MTMR3: variants seen among roughly 807,000 people sequenced by gnomAD.
The protein encoded by MTMR3 is phosphatidylinositol-3,5-bisphosphate 3-phosphatase MTMR3.
In MTMR3, 32 loss-of-function variants were observed where a neutral mutation model predicts 132.4. The observed-to-expected ratio is 0.24, with a 90% CI of 0.18 to 0.32. The LOEUF is 0.32. Ranked by LOEUF, MTMR3 falls within the 10% of genes least tolerant of loss-of-function variation. MTMR3 has a pLI of 1.00. For synonymous variants in MTMR3, 556 were observed against 550.3 expected, an observed-to-expected ratio of 1.01 and a Z score of -0.14; for missense variants, 1,216 against 1,489.6, an observed-to-expected ratio of 0.82 and a Z score of 3.02.
Position 30,019,638 on chromosome 22 carries a change from C to T in MTMR3, c.1979C>T (p.Pro660Leu), listed in dbSNP as rs2067695800. 1 of 1,614,074 alleles carries T rather than the reference C, an allele frequency of 6.2e-7. No individual in the cohort carries two copies. Among genetic ancestry groups the T allele is most frequent in the South Asian group, 1.1e-5 (1 of 91,086 alleles). The change falls in exon 17 of 20, where the codon CCC (proline) becomes CTC (leucine). Residue 660 changes from proline to leucine, a missense_variant. Transcript: ENST00000401950. Reference protein sequence around the residue: ...LSSLAGPGEDPLSADSLGKPT... With the variant: ...LSSLAGPGEDLLSADSLGKPT... ...AGCCTGGCTGGCCCTGGAGAGGATC[C>T]CCTTTCTGCCGACAGCCTAGGGAAG... is the stretch of plus-strand genomic sequence containing the variant.
chr22:29,960,750 TAG>T (rs998233068), intron 2 of MTMR3, among the ~76,000 whole-genome samples: 138 of 152,330 alleles, frequency 9.1e-4, no homozygotes, highest in African/African-American at 3.3e-3. Context: ...CTCAAGGTCA[TAG>T]AGTTAGTATA....
chr22:29,955,873 T>G lies in MTMR3; in HGVS notation c.-137-1163T>G, dbSNP rs372361133. On this transcript the variant is annotated intron_variant, in intron 1 of 19. Coordinates refer to ENST00000401950, the MANE Select transcript of MTMR3 (RefSeq NM_021090.4). ...TTTGAGTGATTCTTGTGCCTCAGCCTCCTGAGTAGCTGGGACTACAGGTGT... is the reference window on the plus strand; with the variant it reads ...TTTGAGTGATTCTTGTGCCTCAGCCGCCTGAGTAGCTGGGACTACAGGTGT... Among the ~76,000 whole-genome samples the G allele has an allele frequency of 1.2e-3, 190 of 152,310 alleles. 4 individuals carry two copies. In the South Asian group the frequency reaches 0.038, roughly 30 times the overall value.
intron 2 of MTMR3, among the ~76,000 whole-genome samples, chr22:29,958,987 A>T (rs776497404): frequency 2.0e-5 from 3 of 152,198 alleles, no homozygotes; most frequent in Non-Finnish European, 2.9e-5. Context: ...GTGGAGGATC[A>T]TAGGGTATAT....
chr22:29,906,885 C>G (rs2065114525), intron 1 of MTMR3, among the ~76,000 whole-genome samples: 1 of 151,902 alleles, frequency 6.6e-6, no homozygotes, highest in Non-Finnish European at 1.5e-5. Context: ...CGAGACCAGC[C>G]TGGCCAACAT....
At chr22:29,940,111 C>CA (rs574769158) in intron 1 of MTMR3, among the ~76,000 whole-genome samples, 32 of 151,938 alleles carry the variant, frequency 2.1e-4, no homozygotes, top group Non-Finnish European at 4.4e-4. Flanking sequence ...GCTAAAAATA[C>CA]AAAAAAATTA....
chr22:29,926,502 A>G (rs571396190), intron 1 of MTMR3, among the ~76,000 whole-genome samples: 2 of 152,220 alleles, frequency 1.3e-5, no homozygotes, highest in Non-Finnish European at 1.5e-5. Context: ...TCACATTCCT[A>G]TCAGCAATTA....
At chr22:30,008,983 C>T (rs372310949) in intron 11 of MTMR3, 35 bp from the exon 12 acceptor site, 10 of 1,456,240 alleles carry the variant, frequency 6.9e-6, no homozygotes, top group Middle Eastern at 1.7e-4. Flanking sequence ...TTAAGTTCAA[C>T]GTATTTGTGT....
At chr22:29,909,183 A>G (rs1455877439) in intron 1 of MTMR3, among the ~76,000 whole-genome samples, 1 of 152,056 alleles carries the variant, frequency 6.6e-6, no homozygotes, top group African/African-American at 2.4e-5. Context: ...ACTAGTCTCA[A>G]ACTCCTGGGC....
rs570808310 is a variant in MTMR3, at chr22:29,909,878, G to A, written c.-138+26519G>A. ...TAGTAGAAAGTGGGCCCTTTTGGCC[G>A]GGTGCGGTGGCTCACGCCTGTAATC... On this transcript the variant is annotated intron_variant, in intron 1 of 19. Coordinates refer to ENST00000401950, the MANE Select transcript of MTMR3 (RefSeq NM_021090.4). Among the ~76,000 whole-genome samples the A allele has an allele frequency of 2.2e-4, 34 of 152,222 alleles. No homozygotes were observed. The South Asian group carries it at 5.8e-3, about 26-fold the overall frequency.
intron 1 of MTMR3, among the ~76,000 whole-genome samples, chr22:29,887,568 A>T (rs1602403744): frequency 6.6e-6 from 1 of 152,204 alleles, no homozygotes; most frequent in African/African-American, 2.4e-5. Flanking sequence ...ACCTTTCAGC[A>T]CATGTATCCT....
At chr22:30,018,267 G>C (rs2067650772) in intron 16 of MTMR3, 195 bp downstream of exon 16, 1 of 564,218 alleles carries the variant, frequency 1.8e-6, no homozygotes, top group South Asian at 2.9e-5. Context: ...CTGGGAGTGA[G>C]TTAGGCCCTG....
At chr22:29,885,518 T>G (rs535973666) in intron 1 of MTMR3, among the ~76,000 whole-genome samples, 1 of 152,244 alleles carries the variant, frequency 6.6e-6, no homozygotes, top group African/African-American at 2.4e-5. Context: ...ATATACTGTA[T>G]CCAGAGATAT....
chr22:30,014,463 T>G (rs2067518317), intron 14 of MTMR3: 1 of 152,158 alleles, frequency 6.6e-6, no homozygotes, highest in South Asian at 2.1e-4. Flanking sequence ...ACTGGATTGT[T>G]TCTGCCTCCT....
At chr22:29,898,969 T>G (rs1209263018) in intron 1 of MTMR3, among the ~76,000 whole-genome samples, 1 of 151,980 alleles carries the variant, frequency 6.6e-6, no homozygotes, top group African/African-American at 2.4e-5. Flanking sequence ...AGATCTACTT[T>G]ATAAGTGAGT....
intron 2 of MTMR3, among the ~76,000 whole-genome samples, chr22:29,957,780 C>T (rs997624828): frequency 2.0e-5 from 3 of 152,170 alleles, no homozygotes; most frequent in African/African-American, 7.2e-5. Context: ...GCAGTTCCCC[C>T]TTACCTTCTT....
intron 17 of MTMR3, 132 bp downstream of exon 17, chr22:30,021,016 T>TA: frequency 1.1e-6 from 1 of 917,938 alleles, no homozygotes; most frequent in Non-Finnish European, 1.6e-6. Flanking sequence ...GTAGCCCTGT[T>TA]AAGAGAGGCT....
chr22:30,019,781 C>G lies in MTMR3; in HGVS notation c.2122C>G (p.His708Asp). 2 of 1,614,202 alleles carry G rather than the reference C, an allele frequency of 1.2e-6. No individual in the cohort carries two copies. Among genetic ancestry groups the G allele is most frequent in the Non-Finnish European group, 1.7e-6 (2 of 1,180,036 alleles). ...GGAGAGTGGAGTAGAGGAACCTGCC[C>G]ACAGGGCAGGCATTGAGATACAGGA... is the stretch of plus-strand genomic sequence containing the variant. ...KEESGVEEPA[H>D]RAGIEIQEGK... is the part of the protein sequence containing the mutation. The change falls in exon 17 of 20, where the codon CAC (histidine) becomes GAC (aspartate). Residue 708 changes from histidine (H) to aspartate (D), a missense_variant. His to Asp is a moderately conservative substitution (Grantham distance 81). Around this residue, in one of 7 missense-constraint regions of MTMR3, gnomAD observed 852 missense variants for 852.0 expected, o/e 1.00. Transcript: ENST00000401950.
intron 1 of MTMR3, among the ~76,000 whole-genome samples, chr22:29,950,306 A>T (rs1490716665): frequency 6.6e-6 from 1 of 151,670 alleles, no homozygotes; most frequent in Non-Finnish European, 1.5e-5. Flanking sequence ...GTTTTCTGTG[A>T]AATTATAAGG....
intron 9 of MTMR3, 152 bp from the exon 10 acceptor site, chr22:30,006,962 A>G (rs1321883963): frequency 8.7e-6 from 6 of 686,678 alleles, no homozygotes; most frequent in Admixed American, 5.8e-5. Context: ...TGGTTGTGTA[A>G]GATTTCTACC....
Sources: allele counts gnomAD v4.1 joint callset (sites outside exome capture counted in the v4.1 genomes callset), GRCh38; gene constraint gnomAD v4.1.1; regional missense constraint gnomAD v4.1.1; transcripts MANE v1.5; gene names NCBI Gene and HGNC (gene_info 2026-07-23, HGNC 2026-07-21).